Variants in SLMAP observed in about 807,000 individuals in gnomAD.
SLMAP encodes the protein sarcolemma associated protein, also known as sarcolemmal membrane-associated protein.
Under a neutral mutation model 128.8 loss-of-function variants are expected in SLMAP, and 44 were observed. The ratio of observed to expected loss-of-function variants is 0.34; its 90% CI spans 0.27 to 0.44. SLMAP has a LOEUF of 0.44. Among genes scored for constraint, SLMAP ranks in the 20% least tolerant of loss-of-function variants. The pLI is 1.00. For synonymous variants in SLMAP, 327 were observed against 348.8 expected, an observed-to-expected ratio of 0.94 and a Z score of 0.70; for missense variants, 787 against 985.3, an observed-to-expected ratio of 0.80 and a Z score of 2.69.
intron 17 of SLMAP, among the ~76,000 whole-genome samples, chr3:57,906,332 T>TTTTTTTTTTTTC (rs1491216777): frequency 7.3e-6 from 1 of 136,954 alleles, no homozygotes. Context: ...TTTTTTTTTT[T>TTTTTTTTTTTTC]AGAGACACAG....
chr3:57,771,263 C>T (rs1179031257), intron 2 of SLMAP, among the ~76,000 whole-genome samples: 4 of 151,230 alleles, frequency 2.6e-5, no homozygotes, highest in Admixed American at 2.6e-4. Flanking sequence ...CTTACTCTGT[C>T]ACCCAAGCTG....
chr3:57,801,757 G>A (rs1008179167), intron 2 of SLMAP, among the ~76,000 whole-genome samples: 14 of 151,394 alleles, frequency 9.2e-5, no homozygotes, highest in Non-Finnish European at 1.8e-4. Context: ...TAGATCAAAG[G>A]GCACATTTTT....
intron 2 of SLMAP, among the ~76,000 whole-genome samples, chr3:57,792,346 A>G (rs763858713): frequency 6.6e-6 from 1 of 151,874 alleles, no homozygotes; most frequent in Non-Finnish European, 1.5e-5. Context: ...AAATAAAAAC[A>G]TAGTTAAAAA....
intron 6 of SLMAP, among the ~76,000 whole-genome samples, chr3:57,853,955 TTATATATATA>T (rs1157170350): frequency 0.011 from 357 of 31,922 alleles, 8 homozygotes; most frequent in East Asian, 0.033. Flanking sequence ...AAAAAAAAAA[TTATATATATA>T]TATATATATA....
intron 2 of SLMAP, among the ~76,000 whole-genome samples, chr3:57,760,988 A>G (rs558745332): frequency 6.6e-6 from 1 of 151,176 alleles, no homozygotes. Flanking sequence ...CAGCCTCCCA[A>G]AGTGCTGGGA....
At chr3:57,873,922 A>G (rs2153622244) in intron 14 of SLMAP, among the ~76,000 whole-genome samples, 1 of 152,284 alleles carries the variant, frequency 6.6e-6, no homozygotes, top group South Asian at 2.1e-4. Flanking sequence ...GGAGTTTGAG[A>G]CGAACCTGGC....
Position 57,856,332 on chromosome 3 carries a change from A to G in SLMAP, c.520-1401A>G, listed in dbSNP as rs548710924. On this transcript the variant is annotated intron_variant, in intron 6 of 24. Transcript: ENST00000671191. ...GTTTTAAAACCTTTTTGACTCTTGT[A>G]TTCACACTTAGCTTAAAACACAAAC... Among the ~76,000 whole-genome samples the G allele has an allele frequency of 4.6e-5, 7 of 152,318 alleles. No individual in the cohort carries two copies. The South Asian group carries it at 1.4e-3, about 32-fold the overall frequency.
rs117424401 is a variant in SLMAP at position 57,897,077 on chromosome 3, T to C, written c.1501+145T>C. On this transcript the variant is annotated intron_variant, in intron 17 of 24. Coordinates refer to ENST00000671191, the MANE Select transcript of SLMAP (RefSeq NM_001377540.1). ...TGTAAAGTAGCAGGGACTAAAAATT[T>C]AAAGTTTTGGTGTTTATACCCAATA... The C allele has an allele frequency of 4.3e-3, 6,090 of 1,413,236 alleles. 226 individuals are homozygous for C. The East Asian group carries it at 0.11, about 24-fold the overall frequency. 87.5% of individuals were successfully genotyped at this position (1,413,236 alleles called of 1,614,324 possible).
chr3:57,820,374 GACAA>G (rs1423621983), intron 2 of SLMAP, among the ~76,000 whole-genome samples: 1 of 152,052 alleles, frequency 6.6e-6, no homozygotes, highest in African/African-American at 2.4e-5. Flanking sequence ...GAGCCTCAAA[GACAA>G]ACAGCTGCTT....
At chr3:57,898,659 C>T (rs2096296410) in intron 17 of SLMAP, 1 of 152,092 alleles carries the variant, frequency 6.6e-6, no homozygotes, top group Admixed American at 6.6e-5. Flanking sequence ...CCATTGCCTA[C>T]CACAATGCAG....
chr3:57,868,951 T>C (rs1476387942), intron 13 of SLMAP, among the ~76,000 whole-genome samples: 1 of 135,472 alleles, frequency 7.4e-6, no homozygotes, highest in East Asian at 2.0e-4. Context: ...GTGTGTATTA[T>C]ATATAATATA....
intron 4 of SLMAP, among the ~76,000 whole-genome samples, chr3:57,843,718 TTCTTTTTC>T (rs1283995876): frequency 5.9e-5 from 9 of 151,334 alleles, no homozygotes; most frequent in East Asian, 1.9e-4. Context: ...CTTTCTTTCT[TTCTTTTTC>T]TTTCTTTCTT....
At chr3:57,869,640 A>ATATATATATATATATATAT (rs2095427685) in intron 13 of SLMAP, among the ~76,000 whole-genome samples, 1 of 127,248 alleles carries the variant, frequency 7.9e-6, no homozygotes. Context: ...TTATATATAT[A>ATATATATATATATATATAT]TATATATATA....
At chr3:57,772,198 A>C (rs542294357) in intron 2 of SLMAP, among the ~76,000 whole-genome samples, 1 of 152,336 alleles carries the variant, frequency 6.6e-6, no homozygotes, top group African/African-American at 2.4e-5. Context: ...AGGGTAGAGA[A>C]TAACAGGTGT....
chr3:57,776,232 A>G (rs938797807), intron 2 of SLMAP, among the ~76,000 whole-genome samples: 4 of 152,280 alleles, frequency 2.6e-5, no homozygotes, highest in Admixed American at 6.5e-5. Flanking sequence ...TGCTGTAGGT[A>G]CAGAAAATGA....
intron 10 of SLMAP, among the ~76,000 whole-genome samples, chr3:57,863,067 G>A (rs1435429147): frequency 2.0e-5 from 3 of 152,158 alleles, no homozygotes; most frequent in African/African-American, 4.8e-5. Flanking sequence ...CTTATCATTA[G>A]GCCATCTAAA....
chr3:57,809,092 C>T (rs985102124), intron 2 of SLMAP, among the ~76,000 whole-genome samples: 19 of 152,286 alleles, frequency 1.2e-4, no homozygotes, highest in African/African-American at 2.9e-4. Context: ...CCTGCCCTTC[C>T]GGGCACAGCT....
chr3:57,795,353 C>T (rs2086482378), intron 2 of SLMAP, among the ~76,000 whole-genome samples: 1 of 152,078 alleles, frequency 6.6e-6, no homozygotes, highest in African/African-American at 2.4e-5. Context: ...GCCTGGCCAG[C>T]GTCGTGAAAC....
At chr3:57,922,778 C>A in intron 22 of SLMAP, 111 bp from the exon 23 acceptor site, 1 of 985,346 alleles carries the variant, frequency 1.0e-6, no homozygotes, top group South Asian at 1.6e-5. Context: ...AAAGACTTGA[C>A]TTTGGTGTTC....
Sources: gnomAD v4.1 joint callset for allele counts (sites outside exome capture counted in the v4.1 genomes callset) on GRCh38, gnomAD v4.1.1 for gene constraint, MANE v1.5 for transcripts, NCBI Gene and HGNC (gene_info 2026-07-23, HGNC 2026-07-21) for gene names.